The following PMFBP1 variants were observed in gnomAD, a reference collection of about 807,000 sequenced individuals.
PMFBP1 encodes polyamine-modulated factor 1-binding protein 1.
Under a neutral mutation model 137.8 loss-of-function variants are expected in PMFBP1, and 131 were observed. That is an observed-to-expected ratio of 0.95 (90% confidence interval 0.82 to 1.10). The LOEUF (loss-of-function observed/expected upper bound fraction) is 1.10, where lower values mean the gene tolerates loss of function less well. Ranked by LOEUF, PMFBP1 falls within the 50% of genes least tolerant of loss-of-function variation. The pLI is 0.00. For synonymous variants in PMFBP1, 490 were observed against 450.4 expected, an observed-to-expected ratio of 1.09 and a Z score of -1.11; for missense variants, 1,199 against 1,175.4, an observed-to-expected ratio of 1.02 and a Z score of -0.29.
the PMFBP1 span, among the ~76,000 whole-genome samples, chr16:72,216,081 C>T: frequency 4.6e-5 from 7 of 152,132 alleles, no homozygotes; most frequent in Non-Finnish European, 8.8e-5. Flanking sequence ...TGGGATATAC[C>T]CCTTCCAGGC....
chr16:72,238,174 G>T, the PMFBP1 span, among the ~76,000 whole-genome samples: 1 of 152,160 alleles, frequency 6.6e-6, no homozygotes, highest in African/African-American at 2.4e-5. Context: ...CCCAGTAATG[G>T]GATTGCAAAG....
intron 2 of PMFBP1, among the ~76,000 whole-genome samples, chr16:72,166,085 C>T (rs886202312): frequency 6.6e-6 from 1 of 152,170 alleles, no homozygotes; most frequent in African/African-American, 2.4e-5. Flanking sequence ...ACAGATGTTA[C>T]CGTTACTGAG....
intron 13 of PMFBP1, 77 bp downstream of exon 13, chr16:72,128,989 G>A (rs1028418314): frequency 1.8e-5 from 28 of 1,539,224 alleles, no homozygotes; most frequent in Middle Eastern, 1.8e-4. Flanking sequence ...CAGGGCCTCC[G>A]CATCCCTGGA....
the PMFBP1 span, among the ~76,000 whole-genome samples, chr16:72,247,642 T>C: frequency 6.6e-6 from 1 of 152,214 alleles, no homozygotes; most frequent in East Asian, 1.9e-4. Context: ...CAAATCAGGA[T>C]CCAAGGGTAT....
chr16:72,174,439 C>T (rs1160470760), upstream of PMFBP1, among the ~76,000 whole-genome samples: 1 of 152,156 alleles, frequency 6.6e-6, no homozygotes. Context: ...ATTTTGAGGT[C>T]CCAGTTTGGA....
the PMFBP1 span, among the ~76,000 whole-genome samples, chr16:72,228,840 T>C: frequency 6.7e-6 from 1 of 148,604 alleles, no homozygotes; most frequent in Admixed American, 6.7e-5. Context: ...TATATTACTT[T>C]TTTTTTTTTT....
chr16:72,159,478 A>T (rs946624867), intron 3 of PMFBP1, among the ~76,000 whole-genome samples: 1 of 152,206 alleles, frequency 6.6e-6, no homozygotes, highest in Non-Finnish European at 1.5e-5. Flanking sequence ...AGTACAGGAC[A>T]AATATAGCAC....
Position 72,122,924 on chromosome 16 carries a change from C to T in PMFBP1, c.2758G>A (p.Gly920Ser). Residue 920 changes from glycine (G) to serine (S), a missense_variant, in exon 19 of 21, where the codon GGC becomes AGC. Physicochemically the swap from Gly to Ser is moderately conservative, Grantham distance 56 (BLOSUM62 0). Coordinates refer to ENST00000237353, the MANE Select transcript of PMFBP1 (RefSeq NM_031293.3). ...EQVKYIAKLS[G>S]EKDHLHSVMV... is the part of the protein sequence containing the mutation. The stretch of plus-strand genomic sequence containing the variant: ...TTTAAGATGACTTACTCCTTTTCGC[C>T]ACTCAGCTTGGCAATGTATTTCACC... 6.2e-7 allele frequency: 1 copy of T among 1,613,320 alleles called. No homozygotes were observed. The highest frequency in any genetic ancestry group is 8.5e-7 in the Non-Finnish European group (1 of 1,179,924).
chr16:72,208,249 A>G, the PMFBP1 span, among the ~76,000 whole-genome samples: 2 of 152,258 alleles, frequency 1.3e-5, no homozygotes, highest in Non-Finnish European at 2.9e-5. Flanking sequence ...CCATGAAGTT[A>G]GCTTGTGGAA....
intron 3 of PMFBP1, among the ~76,000 whole-genome samples, chr16:72,159,386 C>T (rs1335716223): frequency 6.6e-6 from 1 of 152,188 alleles, no homozygotes; most frequent in Non-Finnish European, 1.5e-5. Flanking sequence ...CCCCAGAGGT[C>T]GTCTTGGATC....
chr16:72,199,899 G>T, the PMFBP1 span, among the ~76,000 whole-genome samples: 1 of 152,204 alleles, frequency 6.6e-6, no homozygotes, highest in East Asian at 1.9e-4. Flanking sequence ...TGGGGCTGCT[G>T]GTTGTCAGAG....
In PMFBP1 at chr16:72,119,873, G is replaced by A; in HGVS notation, c.2985C>T (p.Tyr995=). 1.2e-6 allele frequency: 2 copies of A among 1,614,188 alleles called. No individual in the cohort carries two copies. The highest frequency in any genetic ancestry group is 1.1e-5 in the South Asian group (1 of 91,072). Reference sequence around the variant, plus strand: ...TACCCGGGCAGTGGGGCATCCCGATGTACTTGGTGAGGTCCATTCTTTGAC... The same window carrying A: ...TACCCGGGCAGTGGGGCATCCCGATATACTTGGTGAGGTCCATTCTTTGAC... ...DMGQRMDLTK[Y]IGMPHCPGSS... is the part of the protein sequence containing the mutation. The change falls in exon 20 of 21, where the codon TAC becomes TAT. Residue 995 remains tyrosine (Y), a synonymous_variant. Coordinates refer to ENST00000237353, the MANE Select transcript of PMFBP1 (RefSeq NM_031293.3).
At chr16:72,230,249 C>T in the PMFBP1 span, among the ~76,000 whole-genome samples, 1 of 152,042 alleles carries the variant, frequency 6.6e-6, no homozygotes, top group African/African-American at 2.4e-5. Flanking sequence ...TCATAAGATC[C>T]CATAGTGTTC....
At chr16:72,201,182 C>T in the PMFBP1 span, among the ~76,000 whole-genome samples, 11 of 152,298 alleles carry the variant, frequency 7.2e-5, 1 homozygote, top group African/African-American at 2.6e-4. Context: ...TAACAGTGAC[C>T]TGGAGGGGTC....
intron 5 of PMFBP1, among the ~76,000 whole-genome samples, chr16:72,144,518 G>A (rs932684209): frequency 2.0e-5 from 3 of 152,106 alleles, no homozygotes; most frequent in African/African-American, 7.2e-5. Flanking sequence ...AGTGTGGAAG[G>A]CTTGGGATGT....
Position 72,123,614 on chromosome 16 carries a change from G to A in PMFBP1, c.2625C>T (p.Asp875=), listed in dbSNP as rs1469337572. Residue 875 remains aspartate (D), a synonymous_variant, in exon 18 of 21, where the codon GAC becomes GAT. Transcript: ENST00000237353. ...CCLPQWSVPK[D]TCRLYRGNDQ... is the part of the protein sequence containing the mutation. ...CATTCCCTCGGTAGAGCCTACAGGTGTCTTTGGGCACAGACCACTGGGGCA... is the reference window on the plus strand; with the variant it reads ...CATTCCCTCGGTAGAGCCTACAGGTATCTTTGGGCACAGACCACTGGGGCA... 1 of 1,613,976 alleles carries A rather than the reference G, an allele frequency of 6.2e-7. No homozygotes were observed. The highest frequency in any genetic ancestry group is 1.3e-5 in the African/African-American group (1 of 74,930).
chr16:72,165,244 A>G (rs547882117), intron 2 of PMFBP1, among the ~76,000 whole-genome samples: 2 of 152,268 alleles, frequency 1.3e-5, no homozygotes, highest in South Asian at 2.1e-4. Flanking sequence ...ATAAATATTA[A>G]TGGCTCTGCC....
At chr16:72,223,339 T>A in the PMFBP1 span, among the ~76,000 whole-genome samples, 1 of 152,222 alleles carries the variant, frequency 6.6e-6, no homozygotes, top group African/African-American at 2.4e-5. Flanking sequence ...TTTTTCATTT[T>A]GTTTTAATCT....
downstream of PMFBP1, among the ~76,000 whole-genome samples, chr16:72,117,247 TA>T (rs772108263): frequency 1.2e-4 from 15 of 125,242 alleles, no homozygotes; most frequent in Non-Finnish European, 2.2e-4. Context: ...GGTATTTGTT[TA>T]TTTTTTTTGC....
Sources: allele counts gnomAD v4.1 joint callset (sites outside exome capture counted in the v4.1 genomes callset), GRCh38; gene constraint gnomAD v4.1.1; transcripts MANE v1.5; gene names NCBI Gene and HGNC (gene_info 2026-07-23, HGNC 2026-07-21).